EVC: variants seen among roughly 807,000 people sequenced by gnomAD.
The protein encoded by EVC is EvC ciliary complex subunit 1, also known as evC complex member EVC.
Under a neutral mutation model 118.9 loss-of-function variants are expected in EVC, and 116 were observed. The ratio of observed to expected loss-of-function variants is 0.98; its 90% confidence interval spans 0.84 to 1.14. EVC has a LOEUF of 1.14. EVC is among the 50% of genes most tolerant of loss of function. The pLI, the probability that EVC is intolerant of heterozygous loss-of-function variation, is 0.00. For synonymous variants in EVC, 619 were observed against 534.7 expected, an observed-to-expected ratio of 1.16 and a Z score of -2.18; for missense variants, 1,401 against 1,246.4, an observed-to-expected ratio of 1.12 and a Z score of -1.87.
In EVC at chr4:5,798,560, C is replaced by T. The variant is rs1274264038; in HGVS notation, c.2098-26C>T. On this transcript the variant is annotated intron_variant, in intron 14 of 20. Coordinates refer to ENST00000264956, the MANE Select transcript of EVC (RefSeq NM_153717.3). The surrounding 1 kb of genome is among the most constrained non-coding windows in gnomAD (Gnocchi z 4.1). ...TTCTCTGTGAGAGGAGCACTTGGCC[C>T]CTGCTCCCAGTCCTTTCCCTCCCAG... The T allele has an allele frequency of 5.2e-6, 8 of 1,549,102 alleles. No individual in the cohort carries two copies. Among genetic ancestry groups the T allele is most frequent in the Non-Finnish European group, 7.0e-6 (8 of 1,146,364 alleles).
intron 1 of EVC, among the ~76,000 whole-genome samples, chr4:5,718,682 C>T (rs1724396833): frequency 6.6e-6 from 1 of 152,188 alleles, no homozygotes; most frequent in African/African-American, 2.4e-5. Context: ...GTAAAAGCGC[C>T]ATGAGCATTG....
chr4:5,776,727 C>G (rs117946192), intron 11 of EVC, among the ~76,000 whole-genome samples: 1 of 152,228 alleles, frequency 6.6e-6, no homozygotes, highest in East Asian at 1.9e-4. Flanking sequence ...CTGCTAGTTT[C>G]TTCTGATCTA....
chr4:5,798,789 C>G lies in EVC; in HGVS notation c.2301C>G (p.Phe767Leu). ...TKSRAKDRDD[F>L]KRTLMEAAVE... Reference sequence around the variant, plus strand: ...GCCGGGCCAAGGACAGGGATGACTTCAAGGTATGCACTGACCTCTGTCCCT... The same window carrying G: ...GCCGGGCCAAGGACAGGGATGACTTGAAGGTATGCACTGACCTCTGTCCCT... The change falls in exon 15 of 21, where the codon TTC becomes TTG. Residue 767 changes from phenylalanine to leucine, a missense_variant. By Grantham distance (22) the Phe-to-Leu change is conservative. Coordinates refer to ENST00000264956, the MANE Select transcript of EVC (RefSeq NM_153717.3). This position sits in a 1 kb window ranked among gnomAD's most constrained non-coding sequence, Gnocchi z 4.1. 6.2e-7 allele frequency: 1 copy of G among 1,610,618 alleles called. No homozygotes were observed. Among genetic ancestry groups the G allele is most frequent in the Non-Finnish European group, 8.5e-7 (1 of 1,179,788 alleles).
chr4:5,825,994 T>C, the EVC span: 1 of 360,680 alleles, frequency 2.8e-6, no homozygotes, highest in Non-Finnish European at 5.0e-6. The surrounding 1 kb of genome is among the most constrained non-coding windows in gnomAD (Gnocchi z 4.4). Context: ...CACAGTAGCA[T>C]ACACGCGTGA....
At chr4:5,741,853 A>G in intron 6 of EVC, 39 bp downstream of exon 6, 1 of 1,123,354 alleles carries the variant, frequency 8.9e-7, no homozygotes, top group Non-Finnish European at 1.3e-6. Context: ...ACTTAAAAAT[A>G]GTTTATTATA....
intron 7 of EVC, 108 bp downstream of exon 7, chr4:5,745,449 C>A: frequency 1.7e-6 from 2 of 1,207,658 alleles, no homozygotes; most frequent in Admixed American, 1.8e-5. Flanking sequence ...CTTGAATTCC[C>A]CTATCGCATT....
In EVC at chr4:5,719,437, A is replaced by C; in HGVS notation, c.300+64A>C. ...TGGGAGGTGGGGTATTCCCCCTGGA[A>C]GCCGGGTGTCATGTAGACAAGCCTC... is the stretch of plus-strand genomic sequence containing the variant. On this transcript the variant is annotated intron_variant, in intron 2 of 20. Transcript: ENST00000264956. This position sits in a 1 kb window ranked among gnomAD's most constrained non-coding sequence, Gnocchi z 4.7. 1.2e-6 allele frequency: 2 copies of C among 1,611,752 alleles called. No homozygotes were observed. The highest frequency in any genetic ancestry group is 1.7e-6 in the Non-Finnish European group (2 of 1,179,074).
At chr4:5,821,747 C>T in the EVC span, 150 of 1,599,690 alleles carry the variant, frequency 9.4e-5, 1 homozygote, top group East Asian at 3.1e-3. This position sits in a 1 kb window ranked among gnomAD's most constrained non-coding sequence, Gnocchi z 4.4. Context: ...CTAGCTCCTC[C>T]GCGCATCCAC....
the EVC span, chr4:5,821,949 C>A: frequency 9.0e-7 from 1 of 1,114,556 alleles, no homozygotes; most frequent in Non-Finnish European, 1.3e-6. This position sits in a 1 kb window ranked among gnomAD's most constrained non-coding sequence, Gnocchi z 4.4. Flanking sequence ...TCCACTGGAC[C>A]CACCTTCATT....
At chr4:5,741,654 C>G in intron 5 of EVC, 62 bp from the exon 6 acceptor site, 1 of 1,006,816 alleles carries the variant, frequency 9.9e-7, no homozygotes, top group Non-Finnish European at 1.6e-6. Context: ...AAACAGAAAG[C>G]AAAAGACAAA....
At position 5,753,085 on chromosome 4, in the gene EVC, A is replaced by C. The variant is rs567230440; in HGVS notation, c.1315+33A>C. 2.6e-6 allele frequency: 4 copies of C among 1,543,500 alleles called. No homozygotes were observed. In the African/African-American group the frequency reaches 5.4e-5, roughly 21 times the overall value. ...GTGGGCATGGGTGCCGCCGTCCACAACACTGGCCTTCTGGGTCCCTGGGGC... is the reference window on the plus strand; with the variant it reads ...GTGGGCATGGGTGCCGCCGTCCACACCACTGGCCTTCTGGGTCCCTGGGGC... On this transcript the variant is annotated intron_variant, in intron 9 of 20. Transcript: ENST00000264956.
chr4:5,806,052 C>T (rs922425660), intron 17 of EVC, among the ~76,000 whole-genome samples: 1 of 151,712 alleles, frequency 6.6e-6, no homozygotes, highest in Non-Finnish European at 1.5e-5. Flanking sequence ...TCCCGCCGCC[C>T]TTCTGTGTCT....
At chr4:5,817,160 C>T (rs78199717), downstream of EVC, among the ~76,000 whole-genome samples, 4,147 of 152,286 alleles carry the variant, frequency 0.027, 83 homozygotes, top group East Asian at 0.08. Flanking sequence ...TTCTTTTTTG[C>T]TATGAAACTG....
chr4:5,711,343 C>T lies in EVC; in HGVS notation c.-38C>T. 9.9e-7 allele frequency: 1 copy of T among 1,006,214 alleles called. No individual in the cohort carries two copies. Among genetic ancestry groups the T allele is most frequent in the Non-Finnish European group, 1.2e-6 (1 of 844,420 alleles). The allele number at this position is 1,006,214 out of a possible 1,614,324, so 62.3% of individuals were successfully genotyped here. On this transcript the variant is annotated 5_prime_UTR_variant, in exon 1 of 21. Transcript: ENST00000264956. Reference sequence around the variant, plus strand: ...GCCCTGGCGGGGACGGTGCAGCAGGCGGCGGGATGCGGCGGGGCGGCAGCC... The same window carrying T: ...GCCCTGGCGGGGACGGTGCAGCAGGTGGCGGGATGCGGCGGGGCGGCAGCC...
intron 1 of EVC, among the ~76,000 whole-genome samples, chr4:5,718,401 A>G (rs1724338632): frequency 6.6e-6 from 1 of 152,044 alleles, no homozygotes; most frequent in Non-Finnish European, 1.5e-5. Flanking sequence ...TAACACACCC[A>G]TTTCTCCAGA....
chr4:5,765,651 T>G (rs1732749983), intron 11 of EVC, among the ~76,000 whole-genome samples: 1 of 127,476 alleles, frequency 7.8e-6, no homozygotes, highest in Admixed American at 7.6e-5. Flanking sequence ...CCTTTACCAT[T>G]ATGTAATGGC....
At chr4:5,721,820 T>C (rs1725005733) in intron 2 of EVC, among the ~76,000 whole-genome samples, 3 of 152,136 alleles carry the variant, frequency 2.0e-5, no homozygotes, top group Admixed American at 1.3e-4. Flanking sequence ...TGAGCTGAGA[T>C]TGTGCCACTG....
At chr4:5,751,829 G>A (rs1349903386) in intron 8 of EVC, among the ~76,000 whole-genome samples, 2 of 152,190 alleles carry the variant, frequency 1.3e-5, no homozygotes, top group Non-Finnish European at 1.5e-5. Flanking sequence ...AGTGAGAGGA[G>A]GCAGTGAGGG....
chr4:5,730,835 G>A (rs1726685999), intron 3 of EVC, among the ~76,000 whole-genome samples: 1 of 152,178 alleles, frequency 6.6e-6, no homozygotes. Flanking sequence ...TGTGGCTCGG[G>A]CAGCCAGAGG....
Sources: gnomAD v4.1 joint callset for allele counts (sites outside exome capture counted in the v4.1 genomes callset) on GRCh38, gnomAD v4.1.1 for gene constraint, Gnocchi (gnomAD v3.1) non-coding constraint, MANE v1.5 for transcripts, NCBI Gene and HGNC (gene_info 2026-07-23, HGNC 2026-07-21) for gene names.